The following EIF2B3 variants were observed in gnomAD, a reference collection of about 807,000 sequenced individuals.
EIF2B3 encodes the protein eukaryotic translation initiation factor 2B subunit gamma.
In EIF2B3, 20 loss-of-function variants were observed where a neutral mutation model predicts 54.1. The observed-to-expected ratio is 0.37, with a 90% CI of 0.26 to 0.54. EIF2B3 has a LOEUF of 0.54. Among genes scored for constraint, EIF2B3 ranks in the 20% least tolerant of loss-of-function variants. The pLI, the probability that EIF2B3 is intolerant of heterozygous loss-of-function variation, is 0.86. For missense variants in EIF2B3, 448 were observed against 547.8 expected (o/e 0.82, Z 1.82); for synonymous variants, 153 against 188.1 (o/e 0.81, Z 1.52).
At chr1:44,852,505 C>A (rs1213326536) in intron 11 of EIF2B3, among the ~76,000 whole-genome samples, 1 of 152,026 alleles carries the variant, frequency 6.6e-6, no homozygotes, top group Non-Finnish European at 1.5e-5. Flanking sequence ...GGGCGCTGGG[C>A]GCGGTGGCTC....
chr1:44,869,050 G>A (rs1654874700), intron 10 of EIF2B3, among the ~76,000 whole-genome samples: 1 of 152,190 alleles, frequency 6.6e-6, no homozygotes, highest in African/African-American at 2.4e-5. Flanking sequence ...GTTTTTAATA[G>A]AACAAGGATG....
intron 4 of EIF2B3, among the ~76,000 whole-genome samples, chr1:44,930,166 T>A (rs1643883894): frequency 6.6e-6 from 1 of 152,222 alleles, no homozygotes; most frequent in East Asian, 1.9e-4. Flanking sequence ...ATTCATTGAT[T>A]CATTCATTCT....
chr1:44,890,486 C>T (rs1042189517), intron 6 of EIF2B3, among the ~76,000 whole-genome samples: 9 of 151,948 alleles, frequency 5.9e-5, no homozygotes, highest in Admixed American at 2.0e-4. Flanking sequence ...TTTTAGTTCA[C>T]GTAACTTTAG....
At chr1:44,925,393 A>G (rs1643832260) in intron 5 of EIF2B3, 1 of 152,494 alleles carries the variant, frequency 6.6e-6, no homozygotes, top group Non-Finnish European at 1.5e-5. Context: ...CGGCATGGAC[A>G]AACCTTGAGG....
intron 5 of EIF2B3, among the ~76,000 whole-genome samples, chr1:44,904,520 C>CT (rs536818855): frequency 2.1e-4 from 31 of 148,062 alleles, no homozygotes; most frequent in African/African-American, 2.5e-4. Context: ...ATTTGGCAAT[C>CT]TTTTTTTTTT....
At chr1:44,863,960 G>GA (rs1654690109) in intron 10 of EIF2B3, among the ~76,000 whole-genome samples, 3 of 152,128 alleles carry the variant, frequency 2.0e-5, no homozygotes, top group Admixed American at 2.0e-4. Context: ...AAAAGGTACT[G>GA]ACTCCAGTGA....
At chr1:44,852,811 T>C (rs866415649) in intron 11 of EIF2B3, among the ~76,000 whole-genome samples, 25 of 150,546 alleles carry the variant, frequency 1.7e-4, no homozygotes, top group Admixed American at 4.0e-4. Context: ...CCAAGAACAT[T>C]GAGAGGAGAG....
At chr1:44,972,623 TAC>T (rs1202472645) in intron 3 of EIF2B3, 2,554 of 141,596 alleles carry the variant, frequency 0.018, 21 homozygotes, top group Non-Finnish European at 0.022. Context: ...AATAAATAAA[TAC>T]ACACACACAC....
chr1:44,915,606 C>G (rs185188651), intron 5 of EIF2B3, among the ~76,000 whole-genome samples: 11 of 152,250 alleles, frequency 7.2e-5, no homozygotes, highest in Admixed American at 3.9e-4. Flanking sequence ...TAAAGTGATT[C>G]TCCAGCCTAG....
intron 5 of EIF2B3, among the ~76,000 whole-genome samples, chr1:44,910,505 G>A: frequency 6.6e-6 from 1 of 152,064 alleles, no homozygotes; most frequent in Non-Finnish European, 1.5e-5. Context: ...GCCCTTTGAG[G>A]TAAAGTTACT....
chr1:44,877,569 T>TGA (rs902955426), intron 8 of EIF2B3, among the ~76,000 whole-genome samples: 2 of 152,080 alleles, frequency 1.3e-5, no homozygotes, highest in African/African-American at 4.8e-5. Context: ...ACGCATGAGG[T>TGA]GAGGATGAGA....
At chr1:44,968,182 GGCAAAACCCTGTCTCT>G (rs1358359061) in intron 3 of EIF2B3, among the ~76,000 whole-genome samples, 1 of 151,904 alleles carries the variant, frequency 6.6e-6, no homozygotes, top group Non-Finnish European at 1.5e-5. Flanking sequence ...TAGGTAACAA[GGCAAAACCCTGTCTCT>G]GCAAAAAAGA....
intron 3 of EIF2B3, among the ~76,000 whole-genome samples, chr1:44,970,403 A>G (rs1447424399): frequency 1.3e-5 from 2 of 152,232 alleles, no homozygotes; most frequent in Non-Finnish European, 2.9e-5. Flanking sequence ...TGGGAAACTC[A>G]ATCTGGAGGA....
At chr1:44,929,603 C>T (rs1353996628) in intron 4 of EIF2B3, among the ~76,000 whole-genome samples, 1 of 152,166 alleles carries the variant, frequency 6.6e-6, no homozygotes, top group Non-Finnish European at 1.5e-5. Flanking sequence ...TCAACTTATA[C>T]ATTACATGGA....
At chr1:44,859,620 T>C (rs572735992) in intron 10 of EIF2B3, among the ~76,000 whole-genome samples, 1 of 148,420 alleles carries the variant, frequency 6.7e-6, no homozygotes, top group Admixed American at 6.7e-5. Context: ...ATTGCACCAT[T>C]GCACTCTAGC....
rs1166463038 is a variant in EIF2B3, at chr1:44,981,081, C to T, written c.88G>A (p.Val30Ile). 3.1e-6 allele frequency: 5 copies of T among 1,613,328 alleles called. No homozygotes were observed. The highest frequency in any genetic ancestry group is 4.2e-6 in the Non-Finnish European group (5 of 1,179,970). The change falls in exon 2 of 12, where the codon GTT becomes ATT. Residue 30 changes from valine to isoleucine, a missense_variant. Val to Ile is a conservative substitution (Grantham distance 29). This residue lies in a region of EIF2B3 where 95 missense variants were observed against 115.7 expected (regional missense o/e 0.82). Transcript: ENST00000360403. ...TSSIPKPLLP[V>I]GNKPLIWYPL... ...TACCAAATTAAAGGTTTGTTCCCAACTGGAAGCAGAGGTTTGGGAATGCTG... is the reference window on the plus strand; with the variant it reads ...TACCAAATTAAAGGTTTGTTCCCAATTGGAAGCAGAGGTTTGGGAATGCTG...
intron 3 of EIF2B3, chr1:44,958,856 A>G (rs1644255202): frequency 3.4e-6 from 3 of 894,850 alleles, no homozygotes. Flanking sequence ...CATATCAGGT[A>G]CATCAGGAAC....
At chr1:44,851,031 T>A in intron 11 of EIF2B3, 28 bp from the exon 12 acceptor site, 3 of 1,610,876 alleles carry the variant, frequency 1.9e-6, no homozygotes, top group Non-Finnish European at 2.5e-6. Flanking sequence ...AAAAGTTTTC[T>A]GAGAACTGGC....
At chr1:44,874,054 A>G (rs1420526618) in intron 10 of EIF2B3, among the ~76,000 whole-genome samples, 1 of 152,174 alleles carries the variant, frequency 6.6e-6, no homozygotes, top group Non-Finnish European at 1.5e-5. Context: ...CAAATGTTCC[A>G]GTGAGAATTT....
Sources: allele counts gnomAD v4.1 joint callset (sites outside exome capture counted in the v4.1 genomes callset), GRCh38; gene constraint gnomAD v4.1.1; regional missense constraint gnomAD v4.1.1; transcripts MANE v1.5; gene names NCBI Gene and HGNC (gene_info 2026-07-23, HGNC 2026-07-21).